Variants in UGT8 observed in about 807,000 individuals in gnomAD.
The protein encoded by UGT8 is 2-hydroxyacylsphingosine 1-beta-galactosyltransferase.
In UGT8, 12 loss-of-function variants were observed where a neutral mutation model predicts 40.5. The ratio of observed to expected loss-of-function variants is 0.30; its 90% CI spans 0.19 to 0.48. UGT8 has a LOEUF of 0.48. UGT8 is among the 20% of genes least tolerant of loss of function. The pLI is 0.99. For synonymous variants in UGT8, 224 were observed against 240.4 expected (o/e 0.93, Z 0.63); for missense variants, 513 against 648.7 (o/e 0.79, Z 2.27).
intron 1 of UGT8, among the ~76,000 whole-genome samples, chr4:114,619,985 TTAAAA>T (rs1731683165): frequency 1.3e-5 from 2 of 151,416 alleles, no homozygotes; most frequent in Admixed American, 1.3e-4. Flanking sequence ...CATAATTATA[TTAAAA>T]TATAAGATAA....
At chr4:114,606,231 A>G (rs1005745288) in intron 1 of UGT8, among the ~76,000 whole-genome samples, 6 of 152,172 alleles carry the variant, frequency 3.9e-5, no homozygotes, top group African/African-American at 1.4e-4. Flanking sequence ...TATTCAGAGG[A>G]GAGGCATCAA....
chr4:114,607,424 CTTTCTCATCTGTA>C (rs1363951337), intron 1 of UGT8, among the ~76,000 whole-genome samples: 1 of 152,114 alleles, frequency 6.6e-6, no homozygotes, highest in African/African-American at 2.4e-5. Context: ...GTTCCTTCTC[CTTTCTCATCTGTA>C]ATGGTAACTC....
rs149131940 is a variant in UGT8 at position 114,623,008 on chromosome 4, C to T, written c.128C>T (p.Ser43Leu). 370 of 1,614,020 alleles carry T rather than the reference C, an allele frequency of 2.3e-4. No individual in the cohort carries two copies. Among genetic ancestry groups the T allele is most frequent in the Non-Finnish European group, 3.0e-4 (354 of 1,180,016 alleles). ...SHMYIFKTLA[S>L]ALHERGHHTV... ...ATGTACATTTTCAAGACGCTAGCCT[C>T]AGCCTTGCACGAGAGAGGCCACCAT... The change falls in exon 2 of 6, where the codon TCA becomes TTA. Residue 43 changes from serine (S) to leucine (L), a missense_variant. Physicochemically the swap from Ser to Leu is moderately radical, Grantham distance 145. This residue lies in a region of UGT8 where 335 missense variants were observed against 444.8 expected (regional missense o/e 0.75). Transcript: ENST00000310836.
At chr4:114,601,006 CTTGATACTCTATTAGG>C (rs1730411174) in intron 1 of UGT8, among the ~76,000 whole-genome samples, 1 of 152,126 alleles carries the variant, frequency 6.6e-6, no homozygotes, top group Non-Finnish European at 1.5e-5. Context: ...TTAGTAAAGG[CTTGATACTCTATTAGG>C]AGGTTGGGCA....
At chr4:114,648,018 A>G (rs776249399) in intron 2 of UGT8, among the ~76,000 whole-genome samples, 1 of 152,212 alleles carries the variant, frequency 6.6e-6, no homozygotes, top group African/African-American at 2.4e-5. Context: ...ACTGTTTGCC[A>G]GAGAGATTTT....
At chr4:114,659,966 A>T (rs1046254474) in intron 2 of UGT8, among the ~76,000 whole-genome samples, 2 of 152,248 alleles carry the variant, frequency 1.3e-5, no homozygotes, top group Non-Finnish European at 2.9e-5. Context: ...GAGATATTAA[A>T]TAACTAATGT....
intron 5 of UGT8, among the ~76,000 whole-genome samples, chr4:114,673,745 T>C (rs1735447841): frequency 6.6e-6 from 1 of 152,210 alleles, no homozygotes; most frequent in Non-Finnish European, 1.5e-5. Flanking sequence ...ATGTCACGTT[T>C]CATTTTTGTA....
intron 2 of UGT8, among the ~76,000 whole-genome samples, chr4:114,643,514 C>A (rs893303318): frequency 6.6e-6 from 1 of 152,068 alleles, no homozygotes; most frequent in African/African-American, 2.4e-5. Flanking sequence ...TACTAGTTAA[C>A]CTTTAAATAG....
At chr4:114,645,715 A>C (rs993915897) in intron 2 of UGT8, among the ~76,000 whole-genome samples, 2 of 152,196 alleles carry the variant, frequency 1.3e-5, no homozygotes, top group Non-Finnish European at 2.9e-5. Context: ...TTAAGTTGAC[A>C]TGTCATCTGG....
intron 5 of UGT8, among the ~76,000 whole-genome samples, chr4:114,670,136 C>T (rs997161196): frequency 2.0e-5 from 3 of 152,090 alleles, no homozygotes; most frequent in African/African-American, 7.2e-5. Flanking sequence ...AGGCCAATAT[C>T]GCTGATGAAC....
intron 2 of UGT8, among the ~76,000 whole-genome samples, chr4:114,645,005 C>T (rs1733474772): frequency 6.7e-6 from 1 of 150,026 alleles, no homozygotes; most frequent in Non-Finnish European, 1.5e-5. Flanking sequence ...TATTCTTCTA[C>T]TATAATTAAT....
At chr4:114,655,344 G>C (rs1254999609) in intron 2 of UGT8, among the ~76,000 whole-genome samples, 1 of 151,942 alleles carries the variant, frequency 6.6e-6, no homozygotes, top group Non-Finnish European at 1.5e-5. Context: ...GGGGTTTGGA[G>C]TAAGGGGAAG....
At chr4:114,626,756 G>T (rs1328596119) in intron 2 of UGT8, among the ~76,000 whole-genome samples, 1 of 152,132 alleles carries the variant, frequency 6.6e-6, no homozygotes, top group Non-Finnish European at 1.5e-5. Context: ...TGCATCTCTT[G>T]TCACTAATTT....
chr4:114,659,474 T>A (rs959573466), intron 2 of UGT8, among the ~76,000 whole-genome samples: 7 of 152,190 alleles, frequency 4.6e-5, no homozygotes, highest in African/African-American at 1.4e-4. Flanking sequence ...CTTATTGTGA[T>A]CATTTTCTTT....
At chr4:114,612,648 T>C (rs1731162646) in intron 1 of UGT8, among the ~76,000 whole-genome samples, 1 of 152,198 alleles carries the variant, frequency 6.6e-6, no homozygotes, top group Non-Finnish European at 1.5e-5. Flanking sequence ...TGCTTAACCA[T>C]GTTATTGATC....
chr4:114,609,190 A>G (rs1730899481), intron 1 of UGT8, among the ~76,000 whole-genome samples: 1 of 152,074 alleles, frequency 6.6e-6, no homozygotes, highest in African/African-American at 2.4e-5. Context: ...TGTGCTGTGG[A>G]GATCGTGCCT....
chr4:114,643,750 T>C (rs918668583), intron 2 of UGT8, among the ~76,000 whole-genome samples: 1 of 152,060 alleles, frequency 6.6e-6, no homozygotes, highest in Non-Finnish European at 1.5e-5. Context: ...AGAAAGGGAA[T>C]CACTTTGGCT....
chr4:114,616,365 G>C (rs1731433052), intron 1 of UGT8, among the ~76,000 whole-genome samples: 1 of 152,166 alleles, frequency 6.6e-6, no homozygotes, highest in Non-Finnish European at 1.5e-5. Flanking sequence ...TGCTAGCAAT[G>C]AGTGAGGCTC....
intron 2 of UGT8, among the ~76,000 whole-genome samples, chr4:114,645,857 CTG>C (rs1369730398): frequency 6.6e-6 from 1 of 152,138 alleles, no homozygotes; most frequent in African/African-American, 2.4e-5. Context: ...TTTCAGGACT[CTG>C]TTGATTTAGC....
Sources: allele counts gnomAD v4.1 joint callset (sites outside exome capture counted in the v4.1 genomes callset), GRCh38; gene constraint gnomAD v4.1.1; regional missense constraint gnomAD v4.1.1; transcripts MANE v1.5; gene names NCBI Gene and HGNC (gene_info 2026-07-23, HGNC 2026-07-21).